DNAH3: variants seen among roughly 807,000 people sequenced by gnomAD.
DNAH3 encodes the protein axonemal beta dynein heavy chain 3.
Under a neutral mutation model 432.5 loss-of-function variants are expected in DNAH3, and 332 were observed. The ratio of observed to expected loss-of-function variants is 0.77; its 90% CI spans 0.70 to 0.84. DNAH3 has a LOEUF of 0.84. Among genes scored for constraint, DNAH3 ranks in the 40% least tolerant of loss-of-function variants. The pLI is 0.00. For synonymous variants in DNAH3, 1,956 were observed against 1,900.2 expected, an observed-to-expected ratio of 1.03 and a Z score of -0.76; for missense variants, 4,861 against 5,114.0, an observed-to-expected ratio of 0.95 and a Z score of 1.51.
At chr16:20,954,443 C>T (rs1341996346) in intron 55 of DNAH3, among the ~76,000 whole-genome samples, 1 of 151,518 alleles carries the variant, frequency 6.6e-6, no homozygotes, top group Non-Finnish European at 1.5e-5. Flanking sequence ...GCGGGCACCA[C>T]CACACCCGGC....
At chr16:20,952,315 C>A (rs987840646) in intron 56 of DNAH3, 118 bp downstream of exon 56, 1 of 672,432 alleles carries the variant, frequency 1.5e-6, no homozygotes. Context: ...AGTAAGAGCT[C>A]GATGTTTATG....
chr16:21,072,813 T>A (rs1221547382), intron 21 of DNAH3, among the ~76,000 whole-genome samples: 2 of 119,244 alleles, frequency 1.7e-5, no homozygotes, highest in African/African-American at 6.2e-5. Flanking sequence ...CATACTCAGC[T>A]AATTATTATT....
rs1425837987 is a variant in DNAH3 at position 20,980,451 on chromosome 16, T to C, written c.7860-905A>G. Among the ~76,000 whole-genome samples, 4 of 150,724 alleles carry C rather than the reference T, an allele frequency of 2.7e-5. No homozygotes were observed. In the East Asian group the frequency reaches 5.8e-4, roughly 22 times the overall value. ...GCAGTGGCACAATCATGGCTCACTG[T>C]AGCCTTAACCTCCCTGGCTCAAGTG... On this transcript the variant is annotated intron_variant, in intron 49 of 61. Coordinates refer to ENST00000261383, the Ensembl canonical transcript of DNAH3.
chr16:21,111,619 A>G lies in DNAH3; in HGVS notation c.2099+7T>C. The G allele has an allele frequency of 6.2e-7, 1 of 1,607,846 alleles. No individual in the cohort carries two copies. The highest frequency in any genetic ancestry group is 8.5e-7 in the Non-Finnish European group (1 of 1,174,966). ...CATTGCTATTTGTCTGCACAGAATT[A>G]CAATACCTGGTATTGGTGTCTCGGT... is the stretch of plus-strand genomic sequence containing the variant. On this transcript the variant is annotated splice_region_variant and intron_variant, in intron 14 of 61. Coordinates refer to ENST00000261383, the Ensembl canonical transcript of DNAH3.
At chr16:21,073,603 T>C (rs532148752) in intron 21 of DNAH3, among the ~76,000 whole-genome samples, 12 of 152,338 alleles carry the variant, frequency 7.9e-5, no homozygotes, top group African/African-American at 2.6e-4. Context: ...TTGGAAGGCC[T>C]TGGAAGCAAG....
Position 20,966,558 on chromosome 16 carries a change from TTATC to T in DNAH3, c.8459-1137_8459-1134del, listed in dbSNP as rs550605880. Among the ~76,000 whole-genome samples, 4 of 152,224 alleles carry T rather than the reference TTATC, an allele frequency of 2.6e-5. No homozygotes were observed. In the South Asian group the frequency reaches 8.3e-4, roughly 31 times the overall value. ...ATTGCAACCTGTAAGTTTTCAATTA[TTATC>T]TACCATCTACCTTTCCCTCAAAGCG... On this transcript the variant is annotated intron_variant, in intron 52 of 61. Coordinates refer to ENST00000261383, the Ensembl canonical transcript of DNAH3.
At chr16:20,958,160 C>T (rs2084660193) in intron 54 of DNAH3, among the ~76,000 whole-genome samples, 1 of 151,192 alleles carries the variant, frequency 6.6e-6, no homozygotes. Context: ...GCAGGCTCGA[C>T]TTCTCAGGCT....
intron 43 of DNAH3, among the ~76,000 whole-genome samples, chr16:20,998,741 C>CAAAAA (rs57836728): frequency 2.6e-5 from 2 of 78,236 alleles, no homozygotes; most frequent in African/African-American, 5.1e-5. Context: ...GACTCCGTCT[C>CAAAAA]AAAAAAAAAA....
intron 14 of DNAH3, among the ~76,000 whole-genome samples, chr16:21,106,946 C>T (rs1248476480): frequency 6.6e-6 from 1 of 152,098 alleles, no homozygotes; most frequent in Non-Finnish European, 1.5e-5. Context: ...TAATCATTTA[C>T]ATAGATTAAC....
intron 16 of DNAH3, chr16:21,104,039 T>G (rs546074147): frequency 3.8e-4 from 67 of 175,174 alleles, no homozygotes; most frequent in African/African-American, 1.6e-3. Context: ...TACAGCCACA[T>G]TAGCTCTGAA....
At chr16:20,953,604 T>C (rs2084418538) in intron 55 of DNAH3, among the ~76,000 whole-genome samples, 1 of 151,736 alleles carries the variant, frequency 6.6e-6, no homozygotes, top group Admixed American at 6.6e-5. Context: ...AGAGACTGGA[T>C]CTCGTTCTTT....
chr16:20,962,837 T>G (rs1444472347), intron 53 of DNAH3, among the ~76,000 whole-genome samples: 3 of 152,090 alleles, frequency 2.0e-5, no homozygotes, highest in African/African-American at 4.8e-5. Flanking sequence ...TTTTAATGTT[T>G]TATAGCAATG....
At chr16:21,091,581 G>A (rs2091536677) in intron 18 of DNAH3, among the ~76,000 whole-genome samples, 1 of 152,156 alleles carries the variant, frequency 6.6e-6, no homozygotes, top group African/African-American at 2.4e-5. Flanking sequence ...ACTTTGGGAG[G>A]CCAAGGCAGG....
Position 20,985,100 on chromosome 16 carries a change from T to TA in DNAH3, c.7641dup (p.Met2548TyrfsTer3), listed in dbSNP as rs1567582780. On this transcript the variant is annotated frameshift_variant, in exon 48 of 62. Coordinates refer to ENST00000261383, the Ensembl canonical transcript of DNAH3. LOFTEE classifies it high-confidence loss of function. Reference sequence around the variant, plus strand: ...ACCCTCTCAATAAAGAAGTTATACATAGAAAGAGGAGTGACTTCAACCTTC... The same window carrying TA: ...ACCCTCTCAATAAAGAAGTTATACATAAGAAAGAGGAGTGACTTCAACCTTC... 1 of 1,613,778 alleles carries TA rather than the reference T, an allele frequency of 6.2e-7. No homozygotes were observed. Among genetic ancestry groups the TA allele is most frequent in the Non-Finnish European group, 8.5e-7 (1 of 1,179,850 alleles).
chr16:21,106,491 C>G, exon 15 of DNAH3: 1 of 1,589,428 alleles, frequency 6.3e-7, no homozygotes, highest in Non-Finnish European at 8.6e-7. Flanking sequence ...TGGACTTACA[C>G]GGCAAGTCTG....
At chr16:21,124,772 C>T (rs1480580859) in intron 9 of DNAH3, among the ~76,000 whole-genome samples, 2 of 152,142 alleles carry the variant, frequency 1.3e-5, no homozygotes, top group African/African-American at 2.4e-5. Flanking sequence ...GCCTCAGCCT[C>T]CCGAGTAGTT....
At chr16:20,965,502 G>A in intron 52 of DNAH3, 77 bp from the exon 53 acceptor site, 2 of 1,269,314 alleles carry the variant, frequency 1.6e-6, no homozygotes, top group Non-Finnish European at 2.1e-6. Flanking sequence ...GGTTACTGCT[G>A]GTATTTGAGA....
chr16:21,020,385 A>AAAATCAC (rs2088122491), intron 40 of DNAH3, among the ~76,000 whole-genome samples: 4 of 33,732 alleles, frequency 1.2e-4, no homozygotes, highest in Admixed American at 3.7e-4. Flanking sequence ...CTATATATAT[A>AAAATCAC]TATATATATA....
intron 29 of DNAH3, among the ~76,000 whole-genome samples, chr16:21,050,331 A>T (rs969511853): frequency 2.0e-5 from 3 of 152,242 alleles, no homozygotes; most frequent in African/African-American, 7.2e-5. Context: ...ATACATGCAT[A>T]CCTATATAAA....
Sources: gnomAD v4.1 joint callset for allele counts (sites outside exome capture counted in the v4.1 genomes callset) on GRCh38, gnomAD v4.1.1 for gene constraint, MANE v1.5 for transcripts, NCBI Gene and HGNC (gene_info 2026-07-23, HGNC 2026-07-21) for gene names.